Variants in DNAH12 observed in about 807,000 individuals in gnomAD.
DNAH12 encodes the protein dynein axonemal heavy chain 12, also known as axonemal beta dynein heavy chain 12.
A neutral mutation model predicts 371.5 loss-of-function variants in DNAH12; 285 were observed. That is an observed-to-expected ratio of 0.77 (90% CI 0.70 to 0.85). The LOEUF is 0.85. Among genes scored for constraint, DNAH12 ranks in the 40% least tolerant of loss-of-function variants. The pLI, the probability that DNAH12 is intolerant of heterozygous loss-of-function variation, is 0.00. For synonymous variants in DNAH12, 1,200 were observed against 1,213.0 expected, an observed-to-expected ratio of 0.99 and a Z score of 0.22; for missense variants, 3,611 against 3,689.4, an observed-to-expected ratio of 0.98 and a Z score of 0.55.
chr3:57,403,309 C>G lies in DNAH12; in HGVS notation c.6948G>C (p.Lys2316Asn). ...ATACTAGGCTTCTTCATAATTTTAC[C>G]TTCATATCCTCTCTCCATTCATTCA... ...YGMNEWREDM[K>N]GLLRNVGMKG... Residue 2316 changes from lysine (K) to asparagine (N), a missense_variant and splice_region_variant, in exon 43 of 74, where the codon AAG becomes AAC. Physicochemically the swap from Lys to Asn is moderately conservative, Grantham distance 94. Around this residue, in one of 3 missense-constraint regions of DNAH12, gnomAD observed 2,266 missense variants for 2,236.9 expected, o/e 1.01. Coordinates refer to ENST00000495027, the MANE Select transcript of DNAH12 (RefSeq NM_001366028.2). The G allele has an allele frequency of 2.6e-6, 4 of 1,523,966 alleles. No individual in the cohort carries two copies. The highest frequency in any genetic ancestry group is 3.5e-6 in the Non-Finnish European group (4 of 1,135,524). 94.4% of individuals were successfully genotyped at this position (1,523,966 alleles called of 1,614,324 possible).
intron 30 of DNAH12, 23 bp from the exon 31 acceptor site, chr3:57,433,851 A>G: frequency 6.7e-7 from 1 of 1,499,484 alleles, no homozygotes; most frequent in Non-Finnish European, 8.9e-7. Context: ...AGAAATAATT[A>G]TACAATAAGA....
intron 38 of DNAH12, 133 bp downstream of exon 38, chr3:57,415,293 G>C: frequency 8.2e-7 from 1 of 1,223,242 alleles, no homozygotes; most frequent in South Asian, 1.6e-5. Flanking sequence ...CCAAAAACTT[G>C]TAACTCCCCA....
chr3:57,407,946 A>G (rs1575558793), intron 40 of DNAH12, among the ~76,000 whole-genome samples: 2 of 152,232 alleles, frequency 1.3e-5, no homozygotes, highest in Non-Finnish European at 2.9e-5. Flanking sequence ...GGAACCTAAT[A>G]GAAAAATACC....
At chr3:57,498,177 G>A (rs1436832975) in intron 11 of DNAH12, 4 of 255,850 alleles carry the variant, frequency 1.6e-5, no homozygotes, top group South Asian at 9.9e-5. Context: ...AGATGTGAAA[G>A]TGCAGTGGGA....
chr3:57,441,424 A>G (rs1298351804), intron 29 of DNAH12, among the ~76,000 whole-genome samples: 1 of 152,204 alleles, frequency 6.6e-6, no homozygotes, highest in Non-Finnish European at 1.5e-5. Flanking sequence ...ATGAAACTAT[A>G]TAGAATGGTC....
At chr3:57,358,336 C>A (rs1259681591) in intron 58 of DNAH12, among the ~76,000 whole-genome samples, 1 of 152,102 alleles carries the variant, frequency 6.6e-6, no homozygotes, top group Non-Finnish European at 1.5e-5. Flanking sequence ...ATACAAAAGT[C>A]TTAAAAGAAA....
chr3:57,322,389 G>C lies in DNAH12; in HGVS notation c.10478C>G (p.Pro3493Arg). ...LNLLQSYLTD[P>R]VSDPEFFKGC... ...CTTGAAAAACTCAGGATCAGAAACT[G>C]GATCAGTGAGATATGATTGAAGGAG... Residue 3493 changes from proline to arginine, a missense_variant, in exon 65 of 74, where the codon CCA (proline) becomes CGA (arginine). By Grantham distance (103) the Pro-to-Arg change is moderately radical (BLOSUM62 -2). This residue lies in a region of DNAH12 where 2,266 missense variants were observed against 2,236.9 expected (regional missense o/e 1.01). Transcript: ENST00000495027. 5 of 1,551,910 alleles carry C rather than the reference G, an allele frequency of 3.2e-6. No individual in the cohort carries two copies. Among genetic ancestry groups the C allele is most frequent in the Non-Finnish European group, 4.4e-6 (5 of 1,147,020 alleles).
chr3:57,458,258 G>A, intron 20 of DNAH12, 38 bp from the exon 21 acceptor site: 1 of 1,516,410 alleles, frequency 6.6e-7, no homozygotes, highest in Non-Finnish European at 8.8e-7. Context: ...GCACTTTTAT[G>A]CCAGATATAA....
rs550037892 is a variant in DNAH12, at chr3:57,307,404, C to G, written c.11189+1747G>C. Among the ~76,000 whole-genome samples the G allele has an allele frequency of 6.6e-5, 10 of 152,304 alleles. No individual in the cohort carries two copies. In the South Asian group the frequency reaches 2.1e-3, roughly 32 times the overall value. On this transcript the variant is annotated intron_variant, in intron 69 of 73. Coordinates refer to ENST00000495027, the MANE Select transcript of DNAH12 (RefSeq NM_001366028.2). ...TCATCCCAACCCTTTTCATTACCCA[C>G]AGCCCAAATACGGGGCTGTGCAGTC...
In DNAH12 at chr3:57,459,755, T is replaced by A. The variant is rs2066002347; in HGVS notation, c.2768A>T (p.Glu923Val). ...TACTTTTAACCATTCATCAATTGTT[T>A]CTTGTATTCGAATCAAGCGGTCCTC... is the stretch of plus-strand genomic sequence containing the variant. ...AWEDRLIRIQ[E>V]TIDEWLKVQA... Residue 923 changes from glutamate to valine, a missense_variant, in exon 20 of 74, where the codon GAA becomes GTA. Physicochemically the swap from Glu to Val is moderately radical, Grantham distance 121 (BLOSUM62 -2). Transcript: ENST00000495027. 6.6e-7 allele frequency: 1 copy of A among 1,524,902 alleles called. No individual in the cohort carries two copies. The highest frequency in any genetic ancestry group is 8.9e-7 in the Non-Finnish European group (1 of 1,128,816). The allele number at this position is 1,524,902 out of a possible 1,614,324, so 94.5% of individuals were successfully genotyped here.
chr3:57,455,591 A>G lies in DNAH12; in HGVS notation c.3337-697T>C, dbSNP rs2065881278. Reference sequence around the variant, plus strand: ...TCTCAAAAACAACAACAACAACAACAACAAAACTAGTCAAATAGATTATGT... The same window carrying G: ...TCTCAAAAACAACAACAACAACAACGACAAAACTAGTCAAATAGATTATGT... On this transcript the variant is annotated intron_variant, in intron 22 of 73. Coordinates refer to ENST00000495027, the MANE Select transcript of DNAH12 (RefSeq NM_001366028.2). Among the ~76,000 whole-genome samples, 3 of 151,884 alleles carry G rather than the reference A, an allele frequency of 2.0e-5. No homozygotes were observed. The South Asian group carries it at 6.2e-4, about 32-fold the overall frequency.
At chr3:57,497,553 G>A (rs1369404297) in intron 11 of DNAH12, among the ~76,000 whole-genome samples, 1 of 152,188 alleles carries the variant, frequency 6.6e-6, no homozygotes. Context: ...CACCTGAACA[G>A]TGACCCATAT....
intron 30 of DNAH12, among the ~76,000 whole-genome samples, chr3:57,434,106 C>G (rs749943740): frequency 4.6e-5 from 7 of 152,124 alleles, no homozygotes; most frequent in Non-Finnish European, 7.3e-5. Context: ...AAAAACTAAA[C>G]CTGAAGCCCA....
At chr3:57,346,161 A>G (rs1553657958) in intron 60 of DNAH12, among the ~76,000 whole-genome samples, 1 of 152,170 alleles carries the variant, frequency 6.6e-6, no homozygotes, top group African/African-American at 2.4e-5. Flanking sequence ...GGAACCAAAA[A>G]ATACATACAA....
the DNAH12 span, among the ~76,000 whole-genome samples, chr3:57,549,517 T>A: frequency 5.3e-5 from 8 of 152,116 alleles, no homozygotes; most frequent in East Asian, 5.8e-4. Context: ...ACCCAAAAAA[T>A]TTTTTTAAAA....
rs1240390797 is a variant in DNAH12, at chr3:57,297,040, C to T, written c.11395-56G>A. On this transcript the variant is annotated intron_variant, in intron 70 of 73. Coordinates refer to ENST00000495027, the MANE Select transcript of DNAH12 (RefSeq NM_001366028.2). The stretch of plus-strand genomic sequence containing the variant: ...AGTTTTTAAAGTTATACAAGTGCCA[C>T]CTGATGTACAATTCCTGATTCTGGT... 10 of 1,531,468 alleles carry T rather than the reference C, an allele frequency of 6.5e-6. No individual in the cohort carries two copies. The East Asian group carries it at 1.2e-4, about 19-fold the overall frequency. 94.9% of individuals were successfully genotyped at this position (1,531,468 alleles called of 1,614,324 possible).
chr3:57,555,646 A>T, the DNAH12 span, among the ~76,000 whole-genome samples: 1 of 152,222 alleles, frequency 6.6e-6, no homozygotes, highest in Non-Finnish European at 1.5e-5. Flanking sequence ...CTGCATCTGT[A>T]AAGCGATGGA....
intron 60 of DNAH12, 119 bp downstream of exon 60, chr3:57,351,966 G>T: frequency 9.5e-7 from 1 of 1,050,546 alleles, no homozygotes; most frequent in Non-Finnish European, 1.3e-6. Flanking sequence ...AAATGCACAA[G>T]TAAAATCATG....
At chr3:57,449,739 C>A (rs2065688988) in intron 25 of DNAH12, among the ~76,000 whole-genome samples, 1 of 152,206 alleles carries the variant, frequency 6.6e-6, no homozygotes, top group Non-Finnish European at 1.5e-5. Context: ...CTCCACACCT[C>A]CCTGCAAGCT....
Sources: allele counts gnomAD v4.1 joint callset (sites outside exome capture counted in the v4.1 genomes callset), GRCh38; gene constraint gnomAD v4.1.1; regional missense constraint gnomAD v4.1.1; transcripts MANE v1.5; gene names NCBI Gene and HGNC (gene_info 2026-07-23, HGNC 2026-07-21).